CELF2: variants seen among roughly 807,000 people sequenced by gnomAD.
CELF2 encodes CUGBP Elav-like family member 2.
Under a neutral mutation model 62.6 loss-of-function variants are expected in CELF2, and 8 were observed. The ratio of observed to expected loss-of-function variants is 0.13; its 90% CI spans 0.07 to 0.23. The LOEUF (loss-of-function observed/expected upper bound fraction) is 0.23, where lower values mean the gene tolerates loss of function less well. CELF2 is among the 10% of genes least tolerant of loss of function. CELF2 has a pLI of 1.00. For missense variants in CELF2, 333 were observed against 671.0 expected (o/e 0.50, Z 5.56); for synonymous variants, 258 against 250.0 (o/e 1.03, Z -0.30).
At chr10:10,692,253 T>C in the CELF2 span, among the ~76,000 whole-genome samples, 1 of 150,950 alleles carries the variant, frequency 6.6e-6, no homozygotes, top group East Asian at 2.0e-4. Context: ...CAGCACCATT[T>C]ATTAAATAGG....
In CELF2 at chr10:11,062,488, T is replaced by C. The variant is rs114355141; in HGVS notation, c.74+44325T>C. 4.9e-3 allele frequency among the ~76,000 whole-genome samples: 751 copies of C among 152,202 alleles called. 7 individuals are homozygous for C. Among genetic ancestry groups the C allele is most frequent in the African/African-American group, 0.018 (730 of 41,504 alleles). The stretch of plus-strand genomic sequence containing the variant: ...TCATAGTATCAATATTAACAGGAAT[T>C]TGGAAGAAGTGGATTTCAGTCCTCA... On this transcript the variant is annotated intron_variant, in intron 1 of 12. Transcript: ENST00000633077.
intron 3 of CELF2, among the ~76,000 whole-genome samples, chr10:11,234,913 G>A (rs1032365307): frequency 2.0e-5 from 3 of 152,172 alleles, no homozygotes; most frequent in Admixed American, 6.5e-5. Context: ...CAATCCCTAC[G>A]TCACTTTACA....
chr10:10,889,071 G>T (rs1393416551), intron 1 of CELF2, among the ~76,000 whole-genome samples: 5 of 152,176 alleles, frequency 3.3e-5, no homozygotes, highest in Non-Finnish European at 7.3e-5. Flanking sequence ...TCTCTTGTCA[G>T]AAATGCAAAA....
intron 1 of CELF2, among the ~76,000 whole-genome samples, chr10:10,849,151 C>A (rs2059210555): frequency 6.6e-6 from 1 of 151,736 alleles, no homozygotes; most frequent in Non-Finnish European, 1.5e-5. Flanking sequence ...AATTCCAGCA[C>A]TTTGGAAGGC....
chr10:11,266,535 G>A (rs1590167454), intron 5 of CELF2, 63 bp from the exon 6 acceptor site: 3 of 1,319,332 alleles, frequency 2.3e-6, no homozygotes, highest in South Asian at 1.2e-5. Flanking sequence ...TTTAACAAGC[G>A]TCCAACCCTT....
rs2093228186 is a variant in CELF2 at position 11,296,745 on chromosome 10, G to GTGA, written c.976+8194_976+8196dup. Reference sequence around the variant, plus strand: ...GAAGGCAGGTAAGGTACAGGGGTCAGTGACAGGAGAGATTCTGCCCCAAGG... The same window carrying GTGA: ...GAAGGCAGGTAAGGTACAGGGGTCAGTGATGACAGGAGAGATTCTGCCCCAAGG... On this transcript the variant is annotated intron_variant, in intron 9 of 12. Coordinates refer to ENST00000633077, the MANE Select transcript of CELF2 (RefSeq NM_001326342.2). The surrounding 1 kb of genome is among the most constrained non-coding windows in gnomAD (Gnocchi z 5.0). 6.6e-6 allele frequency among the ~76,000 whole-genome samples: 1 copy of GTGA among 152,344 alleles called. No individual in the cohort carries two copies. The highest frequency in any genetic ancestry group is 1.9e-4 in the East Asian group (1 of 5,188).
intron 2 of CELF2, among the ~76,000 whole-genome samples, chr10:11,172,282 G>A (rs1195824288): frequency 2.6e-5 from 4 of 152,260 alleles, no homozygotes; most frequent in South Asian, 2.1e-4. Flanking sequence ...GCTGACCGAC[G>A]ACCTATGGGA....
the CELF2 span, among the ~76,000 whole-genome samples, chr10:10,694,919 A>G: frequency 6.6e-6 from 1 of 150,568 alleles, no homozygotes; most frequent in Non-Finnish European, 1.5e-5. Flanking sequence ...TGCACATGAG[A>G]TGGGTTTCCT....
At chr10:10,620,705 A>C in the CELF2 span, among the ~76,000 whole-genome samples, 2 of 151,434 alleles carry the variant, frequency 1.3e-5, no homozygotes, top group Admixed American at 6.6e-5. Flanking sequence ...GATTGAGACT[A>C]TCCTGGCTAA....
the CELF2 span, among the ~76,000 whole-genome samples, chr10:10,470,180 T>C: frequency 1.3e-5 from 2 of 151,906 alleles, no homozygotes; most frequent in Non-Finnish European, 2.9e-5. Flanking sequence ...TTCATGGCCA[T>C]AAAATATTCA....
the CELF2 span, among the ~76,000 whole-genome samples, chr10:10,732,481 A>G: frequency 1.3e-4 from 19 of 151,076 alleles, no homozygotes; most frequent in African/African-American, 4.1e-4. Flanking sequence ...TCACTTTGCA[A>G]TAAAGTTCTT....
chr10:10,532,878 C>T, the CELF2 span, among the ~76,000 whole-genome samples: 24 of 57,888 alleles, frequency 4.1e-4, no homozygotes, highest in Non-Finnish European at 7.4e-4. Flanking sequence ...CTCAAAGAGA[C>T]AAAATCTCAA....
chr10:10,569,613 G>A, the CELF2 span, among the ~76,000 whole-genome samples: 1 of 152,146 alleles, frequency 6.6e-6, no homozygotes, highest in Non-Finnish European at 1.5e-5. Flanking sequence ...GTTGGGTTGT[G>A]CAGAAGAAAC....
chr10:10,504,413 T>C, the CELF2 span, among the ~76,000 whole-genome samples: 1 of 152,172 alleles, frequency 6.6e-6, no homozygotes, highest in African/African-American at 2.4e-5. Context: ...CTGTAGTTGC[T>C]GATGAGAAAT....
chr10:10,980,263 C>T (rs2051913238), intron 2 of CELF2, among the ~76,000 whole-genome samples: 1 of 152,212 alleles, frequency 6.6e-6, no homozygotes, highest in Non-Finnish European at 1.5e-5. Context: ...TTGTCACATA[C>T]AGTTTTTGTT....
In CELF2 at chr10:11,191,793, T is replaced by C. The variant is rs1479753892; in HGVS notation, c.272-25632T>C. ...CTGAACAAAACGATGATCCAAAATC[T>C]GAGTGTGGAGAAACGGATCCCCAGT... On this transcript the variant is annotated intron_variant, in intron 2 of 12. Coordinates refer to ENST00000633077, the MANE Select transcript of CELF2 (RefSeq NM_001326342.2). This position sits in a 1 kb window ranked among gnomAD's most constrained non-coding sequence, Gnocchi z 4.1. 6.6e-6 allele frequency among the ~76,000 whole-genome samples: 1 copy of C among 152,166 alleles called. No homozygotes were observed. Among genetic ancestry groups the C allele is most frequent in the Non-Finnish European group, 1.5e-5 (1 of 68,012 alleles).
chr10:10,512,869 G>A, the CELF2 span, among the ~76,000 whole-genome samples: 2 of 152,180 alleles, frequency 1.3e-5, no homozygotes, highest in South Asian at 4.1e-4. Context: ...CCTAGTGGGT[G>A]GTCAAATCAA....
At position 10,838,366 on chromosome 10, in the gene CELF2, C is replaced by T. The variant is rs147438892; in HGVS notation, c.53+39549C>T. Among the ~76,000 whole-genome samples the T allele has an allele frequency of 1.1e-4, 16 of 152,314 alleles. No homozygotes were observed. In the East Asian group the frequency reaches 1.5e-3, roughly 15 times the overall value. On this transcript the variant is annotated intron_variant, in intron 1 of 13. Coordinates refer to the CELF2 transcript ENST00000636488. The stretch of plus-strand genomic sequence containing the variant: ...ATCTGGTGTTGATCGCATTTCTCCA[C>T]TACAAAGTTATTCTTTCTCCCACCT...
rs1026970521 is a variant in CELF2, at chr10:11,223,668, T to A, written c.354+6161T>A. 1.3e-5 allele frequency among the ~76,000 whole-genome samples: 2 copies of A among 152,196 alleles called. No homozygotes were observed. Among genetic ancestry groups the A allele is most frequent in the Non-Finnish European group, 2.9e-5 (2 of 68,022 alleles). On this transcript the variant is annotated intron_variant, in intron 3 of 12. Transcript: ENST00000633077. The surrounding 1 kb of genome is among the most constrained non-coding windows in gnomAD (Gnocchi z 5.1). ...AGTCCTTGAGGGTGCAGAAGCTCCC[T>A]TCCCCCTGCAGGAGTCACAGCAGTA... is the stretch of plus-strand genomic sequence containing the variant.
Sources: gnomAD v4.1 joint callset for allele counts (sites outside exome capture counted in the v4.1 genomes callset) on GRCh38, gnomAD v4.1.1 for gene constraint, Gnocchi (gnomAD v3.1) non-coding constraint, MANE v1.5 for transcripts, NCBI Gene and HGNC (gene_info 2026-07-23, HGNC 2026-07-21) for gene names.